The following RBM19 variants were observed in gnomAD, a reference collection of about 807,000 sequenced individuals.
RBM19 encodes the protein RNA binding motif protein 19, also known as probable RNA-binding protein 19.
RBM19 carries 94 observed loss-of-function variants against 116.8 expected under a neutral mutation model. The ratio of observed to expected loss-of-function variants is 0.80; its 90% CI spans 0.68 to 0.95. RBM19 has a LOEUF of 0.95. Ranked by LOEUF, RBM19 falls within the 40% of genes least tolerant of loss-of-function variation. The probability of loss-of-function intolerance (pLI) is 0.00; values close to 1 mark genes in which losing one functional copy is unlikely to be tolerated. For missense variants in RBM19, 1,161 were observed against 1,220.7 expected, an observed-to-expected ratio of 0.95 and a Z score of 0.73; for synonymous variants, 475 against 494.1, an observed-to-expected ratio of 0.96 and a Z score of 0.51.
intron 21 of RBM19, among the ~76,000 whole-genome samples, chr12:113,891,930 G>A (rs1366385304): frequency 1.3e-5 from 2 of 152,082 alleles, no homozygotes; most frequent in Admixed American, 6.5e-5. Context: ...TTGTTCCTCC[G>A]TCGTGTGTCG....
chr12:113,948,416 A>G (rs866051325), intron 10 of RBM19, among the ~76,000 whole-genome samples: 31 of 152,338 alleles, frequency 2.0e-4, no homozygotes, highest in Middle Eastern at 6.8e-3. Context: ...AAGACTTTAC[A>G]TAATTAAGAG....
intron 2 of RBM19, 46 bp downstream of exon 2, chr12:113,962,186 C>T (rs376721393): frequency 9.8e-5 from 156 of 1,599,910 alleles, no homozygotes; most frequent in Non-Finnish European, 1.3e-4. Context: ...GATCAAACAA[C>T]GTCACACTTG....
In RBM19 at chr12:113,940,142, T is replaced by C. The variant is rs536540757; in HGVS notation, c.1756A>G (p.Lys586Glu). The C allele has an allele frequency of 6.8e-6, 11 of 1,613,710 alleles. No homozygotes were observed. The highest frequency in any genetic ancestry group is 5.3e-5 in the African/African-American group (4 of 75,050). Reference protein sequence around the residue: ...SFSQAAAERSKTVILVKNLPA... With the variant: ...SFSQAAAERSETVILVKNLPA... ...AGGTTCTTGACCAGAATCACAGTCTTGCTTCGCTCTGCTGCAGCCTGCAAA... is the reference window on the plus strand; with the variant it reads ...AGGTTCTTGACCAGAATCACAGTCTCGCTTCGCTCTGCTGCAGCCTGCAAA... The change falls in exon 15 of 24, where the codon AAG (lysine) becomes GAG (glutamate). Residue 586 changes from lysine (K) to glutamate (E), a missense_variant. Lys to Glu is a moderately conservative substitution (Grantham distance 56). Transcript: ENST00000261741.
At chr12:113,826,331 T>C (rs1160547132) in intron 23 of RBM19, among the ~76,000 whole-genome samples, 1 of 152,210 alleles carries the variant, frequency 6.6e-6, no homozygotes, top group African/African-American at 2.4e-5. Context: ...TTCTGCCTGT[T>C]TTGTCCACTG....
chr12:113,843,857 C>G (rs1876716039), intron 23 of RBM19, among the ~76,000 whole-genome samples: 1 of 152,252 alleles, frequency 6.6e-6, no homozygotes, highest in African/African-American at 2.4e-5. Context: ...CTCCTCCCCT[C>G]ACCTCCAGCC....
chr12:113,881,867 G>C (rs991979734), intron 21 of RBM19, among the ~76,000 whole-genome samples: 1 of 152,208 alleles, frequency 6.6e-6, no homozygotes, highest in African/African-American at 2.4e-5. Context: ...TGTCTCTTCC[G>C]GAGGCCCAGT....
intron 22 of RBM19, among the ~76,000 whole-genome samples, chr12:113,854,280 A>G (rs368038253): frequency 1.5e-4 from 23 of 152,288 alleles, no homozygotes; most frequent in South Asian, 1.2e-3. Flanking sequence ...AGAAGTTGAC[A>G]GTTTTTATCA....
intron 23 of RBM19, among the ~76,000 whole-genome samples, chr12:113,835,359 AC>A (rs1875782819): frequency 6.6e-6 from 1 of 152,084 alleles, no homozygotes; most frequent in Non-Finnish European, 1.5e-5. Flanking sequence ...AGGGCCTTGT[AC>A]CCCCGCAAAG....
At chr12:113,946,255 C>G in intron 12 of RBM19, 99 bp downstream of exon 12, 1 of 1,524,514 alleles carries the variant, frequency 6.6e-7, no homozygotes, top group Non-Finnish European at 9.0e-7. Context: ...ATGAACTAAA[C>G]CCATCAGGAG....
intron 23 of RBM19, 60 bp from the exon 24 acceptor site, chr12:113,823,381 G>A: frequency 1.4e-6 from 2 of 1,471,132 alleles, no homozygotes; most frequent in Non-Finnish European, 9.4e-7. Flanking sequence ...TGGGAGGCAG[G>A]AAGAGAGAAA....
rs1266719171 is a variant in RBM19, at chr12:113,825,202, G to C, written c.2786-1881C>G. ...GAGCGGACGGAGCAAGGGTGAGAGAGAGACGGCAGAGCCTGCCCCATGGTG... is the reference window on the plus strand; with the variant it reads ...GAGCGGACGGAGCAAGGGTGAGAGACAGACGGCAGAGCCTGCCCCATGGTG... On this transcript the variant is annotated intron_variant, in intron 23 of 23. Transcript: ENST00000261741. This position sits in a 1 kb window ranked among gnomAD's most constrained non-coding sequence, Gnocchi z 5.7. 6.6e-6 allele frequency among the ~76,000 whole-genome samples: 1 copy of C among 152,252 alleles called. No homozygotes were observed. Among genetic ancestry groups the C allele is most frequent in the Non-Finnish European group, 1.5e-5 (1 of 68,042 alleles).
chr12:113,912,763 C>G (rs1488365632), intron 21 of RBM19, among the ~76,000 whole-genome samples: 3 of 152,190 alleles, frequency 2.0e-5, no homozygotes, highest in African/African-American at 7.2e-5. Flanking sequence ...AATGGACCAG[C>G]TTGGTTCCCC....
At chr12:113,930,325 T>A (rs1869495383) in intron 16 of RBM19, among the ~76,000 whole-genome samples, 1 of 152,220 alleles carries the variant, frequency 6.6e-6, no homozygotes, top group Non-Finnish European at 1.5e-5. Context: ...CCCCTCAGCA[T>A]GGCTGGAGTT....
At chr12:113,823,708 C>T (rs1874619175) in intron 23 of RBM19, among the ~76,000 whole-genome samples, 1 of 152,056 alleles carries the variant, frequency 6.6e-6, no homozygotes, top group African/African-American at 2.4e-5. Flanking sequence ...GGAAAGGATT[C>T]CCTTGAGAAA....
In RBM19 at chr12:113,903,664, G is replaced by A. The variant is rs192353556; in HGVS notation, c.2558+11305C>T. Among the ~76,000 whole-genome samples the A allele has an allele frequency of 2.3e-3, 348 of 152,276 alleles. 1 individual carries two copies. Among genetic ancestry groups the A allele is most frequent in the Middle Eastern group, 0.014 (4 of 294 alleles). ...ATTTTTTATTTTAGCCATCCTGACC[G>A]TTACATGTATATTCATTTGTTTGTA... On this transcript the variant is annotated intron_variant, in intron 21 of 23. Transcript: ENST00000261741. This position sits in a 1 kb window ranked among gnomAD's most constrained non-coding sequence, Gnocchi z 5.1.
intron 14 of RBM19, 105 bp downstream of exon 14, chr12:113,942,219 G>A: frequency 1.1e-6 from 1 of 944,248 alleles, no homozygotes; most frequent in Non-Finnish European, 1.6e-6. Flanking sequence ...ATCAGTAATA[G>A]TCCTTAGAAG....
chr12:113,862,450 A>G (rs1217888920), intron 21 of RBM19, among the ~76,000 whole-genome samples: 1 of 152,060 alleles, frequency 6.6e-6, no homozygotes, highest in Non-Finnish European at 1.5e-5. Context: ...AGAGAATTAA[A>G]AAGAAAAAAA....
intron 13 of RBM19, among the ~76,000 whole-genome samples, chr12:113,944,104 T>G (rs1870815526): frequency 7.3e-6 from 1 of 137,862 alleles, no homozygotes; most frequent in African/African-American, 2.7e-5. Context: ...TTTTTTTTTT[T>G]TTTTTTTTTT....
At chr12:113,966,122 C>CATCT (rs1225854929) in intron 1 of RBM19, 70 bp downstream of exon 1, 20 of 1,596,154 alleles carry the variant, frequency 1.3e-5, no homozygotes, top group Non-Finnish European at 1.5e-5. Context: ...CACCTCCAGG[C>CATCT]ATCTCTTCCC....
Sources: allele counts gnomAD v4.1 joint callset (sites outside exome capture counted in the v4.1 genomes callset), GRCh38; gene constraint gnomAD v4.1.1; non-coding constraint Gnocchi (gnomAD v3.1); transcripts MANE v1.5; gene names NCBI Gene and HGNC (gene_info 2026-07-23, HGNC 2026-07-21).